The following GATA6 variants were observed in gnomAD, a reference collection of about 807,000 sequenced individuals.
GATA6 encodes the protein transcription factor GATA-6.
GATA6 carries 11 observed loss-of-function variants against 48.1 expected under a neutral mutation model. The ratio of observed to expected loss-of-function variants is 0.23; its 90% CI spans 0.14 to 0.38. The LOEUF is 0.38. Among genes scored for constraint, GATA6 ranks in the 10% least tolerant of loss-of-function variants. The probability of loss-of-function intolerance (pLI) is 1.00; values close to 1 mark genes in which losing one functional copy is unlikely to be tolerated. For missense variants in GATA6, 795 were observed against 850.3 expected (o/e 0.93, Z 0.81); for synonymous variants, 419 against 396.1 (o/e 1.06, Z -0.69).
intron 6 of GATA6, among the ~76,000 whole-genome samples, chr18:22,184,072 T>G (rs1014050777): frequency 2.0e-5 from 3 of 152,222 alleles, no homozygotes; most frequent in African/African-American, 7.2e-5. Context: ...GACTTGGATA[T>G]CTATCTGTTG....
Position 22,171,065 on chromosome 18 carries a change from C to A in GATA6, c.-37-43C>A, listed in dbSNP as rs868691087. On this transcript the variant is annotated intron_variant, in intron 1 of 6. Transcript: ENST00000269216. The surrounding 1 kb of genome is among the most constrained non-coding windows in gnomAD (Gnocchi z 7.1). ...GCGTGCAGCCTACGCTCTTGTTAAC[C>A]CGTCGATCTCCTACCATACCCGTCT... is the stretch of plus-strand genomic sequence containing the variant. The A allele has an allele frequency of 8.3e-5, 104 of 1,252,270 alleles. No individual in the cohort carries two copies. The African/African-American group carries it at 1.3e-3, about 15-fold the overall frequency. The allele number at this position is 1,252,270 out of a possible 1,614,324, so 77.6% of individuals were successfully genotyped here.
intron 6 of GATA6, among the ~76,000 whole-genome samples, chr18:22,186,066 C>G (rs1185858905): frequency 6.6e-6 from 1 of 152,208 alleles, no homozygotes; most frequent in Non-Finnish European, 1.5e-5. Context: ...ATCAGATCCA[C>G]ATAGCAAGGT....
rs2033027816 is a variant in GATA6 at position 22,171,037 on chromosome 18, G to C, written c.-37-71G>C. On this transcript the variant is annotated intron_variant, in intron 1 of 6. Transcript: ENST00000269216. The surrounding 1 kb of genome is among the most constrained non-coding windows in gnomAD (Gnocchi z 7.1). Reference sequence around the variant, plus strand: ...AACTAGAAAAAGGAGTGGAGGCGAGGTAGCGTGCAGCCTACGCTCTTGTTA... The same window carrying C: ...AACTAGAAAAAGGAGTGGAGGCGAGCTAGCGTGCAGCCTACGCTCTTGTTA... 1.1e-6 allele frequency: 1 copy of C among 894,658 alleles called. No homozygotes were observed. Among genetic ancestry groups the C allele is most frequent in the Non-Finnish European group, 1.8e-6 (1 of 560,252 alleles). The allele number at this position is 894,658 out of a possible 1,614,324, so 55.4% of individuals were successfully genotyped here.
intron 2 of GATA6, among the ~76,000 whole-genome samples, chr18:22,173,626 TTC>T (rs1258922889): frequency 6.6e-6 from 1 of 152,270 alleles, no homozygotes; most frequent in Non-Finnish European, 1.5e-5. Context: ...CCTGAGTTCT[TTC>T]TGTCTTCTTC....
At chr18:22,190,379 A>C (rs1286763494) in intron 6 of GATA6, among the ~76,000 whole-genome samples, 1 of 152,214 alleles carries the variant, frequency 6.6e-6, no homozygotes, top group Non-Finnish European at 1.5e-5. Context: ...AATCCTTCTA[A>C]TGCTGCGATT....
intron 6 of GATA6, among the ~76,000 whole-genome samples, chr18:22,183,388 T>C (rs1244809854): frequency 3.3e-5 from 5 of 152,350 alleles, no homozygotes; most frequent in Non-Finnish European, 5.9e-5. Context: ...GTATTTCCGA[T>C]GTAGATCATA....
chr18:22,195,417 G>A (rs2033378330), intron 6 of GATA6, among the ~76,000 whole-genome samples: 1 of 152,154 alleles, frequency 6.6e-6, no homozygotes, highest in African/African-American at 2.4e-5. Context: ...CAAGTGCCTT[G>A]TGTTTCTGGT....
intron 6 of GATA6, 133 bp from the exon 7 acceptor site, chr18:22,200,523 C>G (rs1313313511): frequency 2.7e-5 from 30 of 1,119,704 alleles, no homozygotes; most frequent in Non-Finnish European, 4.1e-6. Flanking sequence ...ATTTCTCCTG[C>G]CCTGGGTCTG....
chr18:22,189,949 G>A (rs1040879602), intron 6 of GATA6, among the ~76,000 whole-genome samples: 3 of 152,192 alleles, frequency 2.0e-5, no homozygotes, highest in South Asian at 2.1e-4. Context: ...AAATTGAGAC[G>A]CGTGGTTTCA....
rs532888783 is a variant in GATA6, at chr18:22,171,516, C to T, written c.372C>T (p.Ala124=). 2.9e-5 allele frequency: 47 copies of T among 1,603,520 alleles called. No homozygotes were observed. The South Asian group carries it at 4.8e-4, about 16-fold the overall frequency. The change falls in exon 2 of 7, where the codon GCC becomes GCT. Residue 124 remains alanine, a synonymous_variant. Transcript: ENST00000269216. This position sits in a 1 kb window ranked among gnomAD's most constrained non-coding sequence, Gnocchi z 7.1. ...CTGACCTCGACCAAGCCGCGACCGC[C>T]AGCAAGCTGCTGTGGTCCAGCCGCG... ...LFTDLDQAAT[A]SKLLWSSRGA...
intron 2 of GATA6, 73 bp from the exon 3 acceptor site, chr18:22,176,882 G>T (rs1598735983): frequency 3.4e-6 from 5 of 1,474,656 alleles, no homozygotes; most frequent in Non-Finnish European, 4.5e-6. Context: ...GGGGGCCGGG[G>T]TCCCCGGGGT....
At chr18:22,174,517 TTATTTTTTTAAG>T (rs143506306) in intron 2 of GATA6, among the ~76,000 whole-genome samples, 2,947 of 152,182 alleles carry the variant, frequency 0.019, 129 homozygotes, top group African/African-American at 0.067. Flanking sequence ...AGAAGATTTG[TTATTTTTTTAAG>T]TATTTTTTTA....
intron 2 of GATA6, among the ~76,000 whole-genome samples, chr18:22,173,769 G>A (rs974081854): frequency 6.6e-6 from 1 of 152,140 alleles, no homozygotes; most frequent in Non-Finnish European, 1.5e-5. Flanking sequence ...AGCCTCCCGT[G>A]TAGCTGGGAT....
intron 6 of GATA6, among the ~76,000 whole-genome samples, chr18:22,196,698 AC>A (rs2033393578): frequency 6.6e-6 from 1 of 152,118 alleles, no homozygotes; most frequent in Admixed American, 6.5e-5. Flanking sequence ...CCAAGATCAC[AC>A]CCAGTGCACT....
At chr18:22,197,778 G>A (rs1193198711) in intron 6 of GATA6, among the ~76,000 whole-genome samples, 3 of 151,832 alleles carry the variant, frequency 2.0e-5, no homozygotes, top group Non-Finnish European at 4.4e-5. Flanking sequence ...GGACTTGAGA[G>A]TCCAAGCTGC....
At chr18:22,173,051 G>A (rs1329323158) in intron 2 of GATA6, among the ~76,000 whole-genome samples, 2 of 152,298 alleles carry the variant, frequency 1.3e-5, no homozygotes, top group East Asian at 3.9e-4. Context: ...TTCTCCCTTC[G>A]AAGTTTAGCC....
intron 6 of GATA6, among the ~76,000 whole-genome samples, chr18:22,186,903 C>A (rs56688268): frequency 2.6e-5 from 4 of 152,162 alleles, no homozygotes; most frequent in African/African-American, 7.2e-5. Flanking sequence ...CACCTTATGA[C>A]TCAGTTTCTC....
chr18:22,174,110 G>A (rs2033091590), intron 2 of GATA6, among the ~76,000 whole-genome samples: 1 of 152,230 alleles, frequency 6.6e-6, no homozygotes, highest in Non-Finnish European at 1.5e-5. Context: ...CAGGAGCAGA[G>A]AGATGGAGAG....
At chr18:22,197,341 C>T (rs377092308) in intron 6 of GATA6, among the ~76,000 whole-genome samples, 8 of 152,148 alleles carry the variant, frequency 5.3e-5, no homozygotes, top group East Asian at 1.9e-4. Flanking sequence ...CGTGGGCCAC[C>T]GCGCCTGGCC....
Sources: allele counts gnomAD v4.1 joint callset (sites outside exome capture counted in the v4.1 genomes callset), GRCh38; gene constraint gnomAD v4.1.1; non-coding constraint Gnocchi (gnomAD v3.1); transcripts MANE v1.5; gene names NCBI Gene and HGNC (gene_info 2026-07-23, HGNC 2026-07-21).